ARHGEF17: variants seen among roughly 807,000 people sequenced by gnomAD.
ARHGEF17 encodes the protein Rho guanine nucleotide exchange factor 17, also known as 164 kDa Rho-specific guanine-nucleotide exchange factor.
Under a neutral mutation model 174.0 loss-of-function variants are expected in ARHGEF17, and 80 were observed. The observed-to-expected ratio is 0.46, with a 90% CI of 0.38 to 0.55. ARHGEF17 has a LOEUF of 0.55. ARHGEF17 is among the 20% of genes least tolerant of loss of function. The probability of loss-of-function intolerance (pLI) is 0.00; values close to 1 mark genes in which losing one functional copy is unlikely to be tolerated. For synonymous variants in ARHGEF17, 1,311 were observed against 1,189.1 expected (o/e 1.10, Z -2.11); for missense variants, 2,886 against 2,839.7 (o/e 1.02, Z -0.37).
chr11:73,337,240 T>C (rs1865299897), intron 1 of ARHGEF17, among the ~76,000 whole-genome samples: 1 of 151,988 alleles, frequency 6.6e-6, no homozygotes, highest in African/African-American at 2.4e-5. Context: ...AGGCTTAATC[T>C]CTAAAAAATA....
In ARHGEF17 at chr11:73,364,252, C is replaced by A. The variant is rs1436934012; in HGVS notation, c.5401+13C>A. The A allele has an allele frequency of 6.2e-7, 1 of 1,613,650 alleles. No individual in the cohort carries two copies. Among genetic ancestry groups the A allele is most frequent in the East Asian group, 2.2e-5 (1 of 44,900 alleles). On this transcript the variant is annotated intron_variant, in intron 17 of 20. Transcript: ENST00000263674. ...CAAAGGGAAGCAGGTGAGTATCTGC[C>A]CTCCCCCACACCCTGCCCCTGTCCC...
intron 1 of ARHGEF17, 135 bp from the exon 2 acceptor site, chr11:73,346,748 C>A (rs1192288823): frequency 3.2e-6 from 2 of 633,110 alleles, no homozygotes; most frequent in Non-Finnish European, 5.0e-6. Flanking sequence ...CAGCCCGGAG[C>A]CCTGGGCGGC....
At chr11:73,317,346 G>A (rs1374595581) in intron 1 of ARHGEF17, among the ~76,000 whole-genome samples, 1 of 152,174 alleles carries the variant, frequency 6.6e-6, no homozygotes, top group Non-Finnish European at 1.5e-5. Context: ...CTCCAGCTAC[G>A]TGGGCATTGC....
In ARHGEF17 at chr11:73,357,029, C is replaced by T. The variant is rs150206475; in HGVS notation, c.3896C>T (p.Ala1299Val). 4.8e-5 allele frequency: 77 copies of T among 1,614,008 alleles called. 1 individual carries two copies. Among genetic ancestry groups the T allele is most frequent in the Middle Eastern group, 3.3e-4 (2 of 6,082 alleles). The part of the protein sequence containing the change: ...LRQEMVIEVK[A>V]IGGKKDRSLF... ...ATTCTGCCTTGGGCTCCACAGAAGG[C>T]GATCGGTGGCAAGAAGGACCGGTCT... The change falls in exon 8 of 21, where the codon GCG becomes GTG. Residue 1299 changes from alanine to valine, a missense_variant. Around this residue, in one of 4 missense-constraint regions of ARHGEF17, gnomAD observed 353 missense variants for 470.3 expected, o/e 0.75. Transcript: ENST00000263674.
At chr11:73,322,330 G>A (rs940527468) in intron 1 of ARHGEF17, among the ~76,000 whole-genome samples, 1 of 152,222 alleles carries the variant, frequency 6.6e-6, no homozygotes, top group African/African-American at 2.4e-5. Flanking sequence ...AAGGGCCAGG[G>A]CCTTTAATGC....
chr11:73,359,996 G>C, intron 10 of ARHGEF17, 44 bp downstream of exon 10: 1 of 1,508,640 alleles, frequency 6.6e-7, no homozygotes, highest in African/African-American at 1.4e-5. Flanking sequence ...AGGGTGGGAG[G>C]CTTCTGACCC....
chr11:73,362,983 G>A (rs535792943), intron 14 of ARHGEF17, among the ~76,000 whole-genome samples: 4 of 152,210 alleles, frequency 2.6e-5, no homozygotes, highest in African/African-American at 7.2e-5. Context: ...GGGGACCCAC[G>A]GTGTGGCCAC....
At chr11:73,328,613 G>A (rs1865141610) in intron 1 of ARHGEF17, among the ~76,000 whole-genome samples, 2 of 152,326 alleles carry the variant, frequency 1.3e-5, no homozygotes, top group South Asian at 4.1e-4. Flanking sequence ...GCTTCCTGGA[G>A]GAACACCACA....
intron 9 of ARHGEF17, among the ~76,000 whole-genome samples, chr11:73,357,704 C>T (rs939449562): frequency 2.0e-5 from 3 of 152,340 alleles, no homozygotes; most frequent in South Asian, 4.1e-4. Flanking sequence ...AACAGACACT[C>T]GCTTGAGTTA....
intron 1 of ARHGEF17, among the ~76,000 whole-genome samples, chr11:73,332,996 G>A (rs1179428804): frequency 2.0e-5 from 3 of 152,116 alleles, no homozygotes. Flanking sequence ...GCAGGTCAGT[G>A]CCGGCACTGA....
intron 6 of ARHGEF17, 173 bp downstream of exon 6, chr11:73,356,524 G>A: frequency 9.0e-7 from 1 of 1,107,630 alleles, no homozygotes; most frequent in Non-Finnish European, 1.3e-6. Context: ...CCACCTGTCT[G>A]TTCTTCCACG....
intron 1 of ARHGEF17, among the ~76,000 whole-genome samples, chr11:73,329,184 A>G (rs1021999658): frequency 6.6e-6 from 1 of 150,450 alleles, no homozygotes; most frequent in African/African-American, 2.5e-5. Flanking sequence ...GTCTTTGTGA[A>G]TCCTTTTATC....
At chr11:73,351,666 C>G (rs964201317) in intron 2 of ARHGEF17, among the ~76,000 whole-genome samples, 1 of 152,102 alleles carries the variant, frequency 6.6e-6, no homozygotes, top group Non-Finnish European at 1.5e-5. Flanking sequence ...ACTGCCACCT[C>G]CACCTCCCAG....
chr11:73,339,799 CCT>C (rs200346635), intron 1 of ARHGEF17, among the ~76,000 whole-genome samples: 3 of 152,130 alleles, frequency 2.0e-5, no homozygotes, highest in African/African-American at 7.2e-5. Flanking sequence ...CCTTTTTCCC[CCT>C]CTCTGTCTTT....
At position 73,309,516 on chromosome 11, in the gene ARHGEF17, C is replaced by G; in HGVS notation, c.878C>G (p.Pro293Arg). 1 of 1,562,372 alleles carries G rather than the reference C, an allele frequency of 6.4e-7. No individual in the cohort carries two copies. The highest frequency in any genetic ancestry group is 8.7e-7 in the Non-Finnish European group (1 of 1,150,998). ...GEGGHRWGGR[P>R]GLRPGSSLLD... ...GGCGGCCACCGCTGGGGAGGGAGGC[C>G]CGGGCTCAGGCCTGGAAGCTCCCTA... is the stretch of plus-strand genomic sequence containing the variant. The change falls in exon 1 of 21, where the codon CCC becomes CGC. Residue 293 changes from proline to arginine, a missense_variant. By Grantham distance (103) the Pro-to-Arg change is moderately radical. Transcript: ENST00000263674.
At chr11:73,330,955 G>C (rs1262194615) in intron 1 of ARHGEF17, among the ~76,000 whole-genome samples, 3 of 152,204 alleles carry the variant, frequency 2.0e-5, no homozygotes, top group Admixed American at 6.5e-5. Context: ...CAGGCCCTCT[G>C]CCAGCCCTCT....
In ARHGEF17 at chr11:73,352,756, C is replaced by T. The variant is rs1056830077; in HGVS notation, c.3271-74C>T. The T allele has an allele frequency of 1.9e-6, 3 of 1,560,626 alleles. No homozygotes were observed. In the Admixed American group the frequency reaches 5.1e-5, roughly 26 times the overall value. On this transcript the variant is annotated intron_variant, in intron 2 of 20. Coordinates refer to ENST00000263674, the MANE Select transcript of ARHGEF17 (RefSeq NM_014786.4). ...GCCCGGGTGATTCTGTGTGCACTCACACAGGGGCCCTGTGTAGGTGTGGTG... is the reference window on the plus strand; with the variant it reads ...GCCCGGGTGATTCTGTGTGCACTCATACAGGGGCCCTGTGTAGGTGTGGTG...
intron 3 of ARHGEF17, among the ~76,000 whole-genome samples, chr11:73,355,082 C>T (rs1033477640): frequency 2.6e-5 from 4 of 152,112 alleles, no homozygotes; most frequent in African/African-American, 2.4e-5. Flanking sequence ...TGAGGCGGGG[C>T]GAGATTTGGA....
At chr11:73,348,210 C>T (rs150240142) in intron 2 of ARHGEF17, among the ~76,000 whole-genome samples, 5 of 152,288 alleles carry the variant, frequency 3.3e-5, no homozygotes, top group Non-Finnish European at 5.9e-5. Context: ...AGCATTCACT[C>T]ACTCACCATT....
Sources: gnomAD v4.1 joint callset for allele counts (sites outside exome capture counted in the v4.1 genomes callset) on GRCh38, gnomAD v4.1.1 for gene constraint, gnomAD v4.1.1 regional missense constraint, MANE v1.5 for transcripts, NCBI Gene and HGNC (gene_info 2026-07-23, HGNC 2026-07-21) for gene names.